Variants in CDYL observed in about 807,000 individuals in gnomAD.
The protein encoded by CDYL is chromodomain Y-like protein.
Under a neutral mutation model 47.3 loss-of-function variants are expected in CDYL, and 8 were observed. The ratio of observed to expected loss-of-function variants is 0.17; its 90% CI spans 0.10 to 0.31. The LOEUF (loss-of-function observed/expected upper bound fraction) is 0.31, where lower values mean the gene tolerates loss of function less well. Ranked by LOEUF, CDYL falls within the 10% of genes least tolerant of loss-of-function variation. The probability of loss-of-function intolerance (pLI) is 1.00; values close to 1 mark genes in which losing one functional copy is unlikely to be tolerated. For synonymous variants in CDYL, 266 were observed against 265.0 expected, an observed-to-expected ratio of 1.00 and a Z score of -0.04; for missense variants, 471 against 701.4, an observed-to-expected ratio of 0.67 and a Z score of 3.71.
chr6:4,767,326 G>T (rs1048586074), intron 3 of CDYL, among the ~76,000 whole-genome samples: 26 of 151,854 alleles, frequency 1.7e-4, no homozygotes, highest in African/African-American at 6.0e-4. Context: ...TGTAACCCTA[G>T]CACTTCGGGA....
At chr6:4,844,960 CTAAATTTAGATGCTG>C (rs1760611557) in intron 1 of CDYL, among the ~76,000 whole-genome samples, 1 of 151,956 alleles carries the variant, frequency 6.6e-6, no homozygotes, top group South Asian at 2.1e-4. Context: ...GAATCTTTTG[CTAAATTTAGATGCTG>C]TAAAATGTTG....
intron 1 of CDYL, chr6:4,715,662 A>T: frequency 1.2e-5 from 17 of 1,366,838 alleles, no homozygotes; most frequent in Non-Finnish European, 1.6e-5. Flanking sequence ...AGAACTGGTG[A>T]AAGTCATTAA....
chr6:4,947,854 C>T (rs962972240), intron 5 of CDYL, among the ~76,000 whole-genome samples: 5 of 152,130 alleles, frequency 3.3e-5, no homozygotes, highest in African/African-American at 7.2e-5. Flanking sequence ...TGCAGTTGGC[C>T]GTGGGGTTGG....
intron 1 of CDYL, among the ~76,000 whole-genome samples, chr6:4,782,021 C>T (rs535210454): frequency 1.4e-5 from 2 of 147,264 alleles, no homozygotes; most frequent in African/African-American, 5.0e-5. Flanking sequence ...CCTCTGGATA[C>T]GCCCTTCTGT....
At chr6:4,730,699 A>AAC (rs1757589742) in intron 2 of CDYL, among the ~76,000 whole-genome samples, 1 of 146,410 alleles carries the variant, frequency 6.8e-6, no homozygotes, top group Non-Finnish European at 1.5e-5. Flanking sequence ...AAAAAAAAAA[A>AAC]AGAACATACC....
intron 1 of CDYL, 29 bp downstream of exon 1, chr6:4,776,836 G>T: frequency 1.3e-6 from 1 of 787,124 alleles, no homozygotes; most frequent in Non-Finnish European, 1.5e-6. Flanking sequence ...GCCTCGGGCC[G>T]CCCCCCGCCC....
chr6:4,713,589 C>CT (rs11375423), intron 1 of CDYL, among the ~76,000 whole-genome samples: 67,956 of 113,416 alleles, frequency 0.6, 18,222 homozygotes, highest in African/African-American at 0.78. Flanking sequence ...CATTTAGATT[C>CT]TTTTTTTTTT....
chr6:4,839,309 C>G (rs1265095058), intron 1 of CDYL, among the ~76,000 whole-genome samples: 1 of 152,074 alleles, frequency 6.6e-6, no homozygotes, highest in Non-Finnish European at 1.5e-5. Context: ...TTTGTAGATT[C>G]TGGATGTTAG....
chr6:4,916,317 C>T (rs761946044), intron 2 of CDYL, among the ~76,000 whole-genome samples: 3 of 152,210 alleles, frequency 2.0e-5, no homozygotes, highest in Non-Finnish European at 2.9e-5. Context: ...TTACAAACTG[C>T]ATACCTCTAG....
chr6:4,948,542 C>T (rs566199444), intron 5 of CDYL, among the ~76,000 whole-genome samples: 6 of 152,108 alleles, frequency 3.9e-5, no homozygotes, highest in African/African-American at 1.4e-4. Context: ...CCCCCGACCT[C>T]ACCCCTGGGG....
At chr6:4,764,940 T>C (rs1447358867) in intron 3 of CDYL, among the ~76,000 whole-genome samples, 1 of 152,220 alleles carries the variant, frequency 6.6e-6, no homozygotes, top group African/African-American at 2.4e-5. Flanking sequence ...AAAATATGTA[T>C]AAAACTTAAG....
At chr6:4,866,207 TA>T (rs1482263647) in intron 1 of CDYL, among the ~76,000 whole-genome samples, 7 of 152,126 alleles carry the variant, frequency 4.6e-5, no homozygotes, top group African/African-American at 1.7e-4. Flanking sequence ...GTACCCAAGT[TA>T]AAAATCAGAC....
At chr6:4,762,805 T>C (rs773553391) in intron 3 of CDYL, among the ~76,000 whole-genome samples, 6 of 152,014 alleles carry the variant, frequency 3.9e-5, no homozygotes, top group Non-Finnish European at 7.4e-5. Context: ...CATAGGACTG[T>C]AGTGAAAAGC....
chr6:4,831,352 T>C (rs1760138221), intron 1 of CDYL, among the ~76,000 whole-genome samples: 1 of 152,206 alleles, frequency 6.6e-6, no homozygotes, highest in Non-Finnish European at 1.5e-5. Flanking sequence ...TCCCCATTGC[T>C]TGTTTTTCTC....
chr6:4,806,413 G>A (rs1181052209), intron 1 of CDYL, among the ~76,000 whole-genome samples: 1 of 151,408 alleles, frequency 6.6e-6, no homozygotes, highest in Non-Finnish European at 1.5e-5. Flanking sequence ...CTTCATGGCT[G>A]TCAAACAGAA....
intron 2 of CDYL, among the ~76,000 whole-genome samples, chr6:4,723,799 C>T (rs1172921409): frequency 6.6e-6 from 1 of 152,312 alleles, no homozygotes; most frequent in Non-Finnish European, 1.5e-5. Flanking sequence ...CTAAGGGAAA[C>T]ATCAAGTCGT....
At chr6:4,753,778 A>C (rs1370635359) in intron 3 of CDYL, among the ~76,000 whole-genome samples, 1 of 152,230 alleles carries the variant, frequency 6.6e-6, no homozygotes, top group African/African-American at 2.4e-5. Flanking sequence ...CTGCAGCTTC[A>C]GGAGAAACCT....
intron 3 of CDYL, among the ~76,000 whole-genome samples, chr6:4,738,350 G>A (rs1757738895): frequency 6.6e-6 from 1 of 152,108 alleles, no homozygotes; most frequent in Non-Finnish European, 1.5e-5. Flanking sequence ...TTGCACCTCA[G>A]CGTGGGTGAC....
upstream of CDYL, chr6:4,776,298 C>G: frequency 6.9e-6 from 1 of 145,614 alleles, no homozygotes; most frequent in Admixed American, 6.8e-5. Flanking sequence ...CCGCCGCCGC[C>G]CCGCCCCTCC....
Sources: gnomAD v4.1 joint callset for allele counts (sites outside exome capture counted in the v4.1 genomes callset) on GRCh38, gnomAD v4.1.1 for gene constraint, MANE v1.5 for transcripts, NCBI Gene and HGNC (gene_info 2026-07-23, HGNC 2026-07-21) for gene names.